The following ZNF827 variants were observed in gnomAD, a reference collection of about 807,000 sequenced individuals.
The protein encoded by ZNF827 is zinc finger protein 827.
ZNF827 carries 13 observed loss-of-function variants against 102.4 expected under a neutral mutation model. The observed-to-expected ratio is 0.13, with a 90% CI of 0.08 to 0.20. The LOEUF is 0.20. Ranked by LOEUF, ZNF827 falls within the 10% of genes least tolerant of loss-of-function variation. The pLI, the probability that ZNF827 is intolerant of heterozygous loss-of-function variation, is 1.00. For missense variants in ZNF827, 1,103 were observed against 1,344.4 expected (o/e 0.82, Z 2.81); for synonymous variants, 523 against 536.2 (o/e 0.98, Z 0.34).
chr4:145,849,721 A>T (rs1746337931), intron 5 of ZNF827, among the ~76,000 whole-genome samples, 160 bp from the exon 6 acceptor site: 1 of 152,246 alleles, frequency 6.6e-6, no homozygotes, highest in South Asian at 2.1e-4. Context: ...CCATTGGCTC[A>T]ATCATCTAAT....
chr4:145,859,647 T>C (rs1429901943), intron 5 of ZNF827, among the ~76,000 whole-genome samples: 1 of 152,240 alleles, frequency 6.6e-6, no homozygotes, highest in Non-Finnish European at 1.5e-5. Context: ...TACTTACAAG[T>C]AGTGTAAGCG....
At chr4:145,853,592 C>T (rs1477511883) in intron 5 of ZNF827, among the ~76,000 whole-genome samples, 2 of 151,608 alleles carry the variant, frequency 1.3e-5, no homozygotes, top group African/African-American at 4.8e-5. Flanking sequence ...AACAAACAAA[C>T]AAACAAACAA....
chr4:145,885,136 T>A (rs1179181718), intron 4 of ZNF827, among the ~76,000 whole-genome samples: 3 of 152,008 alleles, frequency 2.0e-5, no homozygotes, highest in Non-Finnish European at 2.9e-5. Flanking sequence ...AATAAAAAAA[T>A]TTCCCATTAA....
chr4:145,807,617 G>C (rs1189316298), intron 8 of ZNF827, among the ~76,000 whole-genome samples: 2 of 151,402 alleles, frequency 1.3e-5, no homozygotes, highest in Non-Finnish European at 2.9e-5. Context: ...GATTACAGGC[G>C]CCCACCACCA....
At chr4:145,790,970 C>T (rs1739595745) in intron 8 of ZNF827, among the ~76,000 whole-genome samples, 1 of 152,158 alleles carries the variant, frequency 6.6e-6, no homozygotes, top group African/African-American at 2.4e-5. Context: ...AGAAATCCTA[C>T]CTATTTGATT....
chr4:145,849,386 C>G lies in ZNF827; in HGVS notation c.2157G>C (p.Glu719Asp). 6.2e-7 allele frequency: 1 copy of G among 1,614,144 alleles called. No individual in the cohort carries two copies. The highest frequency in any genetic ancestry group is 8.5e-7 in the Non-Finnish European group (1 of 1,180,032). The change falls in exon 6 of 15, where the codon GAG becomes GAC. Residue 719 changes from glutamate (E) to aspartate (D), a missense_variant. Glu to Asp is a conservative substitution (Grantham distance 45). Around this residue, in one of 5 missense-constraint regions of ZNF827, gnomAD observed 243 missense variants for 251.6 expected, o/e 0.97. Coordinates refer to ENST00000508784, the MANE Select transcript of ZNF827 (RefSeq NM_001306215.2). ...QKMPEGRVPP[E>D]RNLFSQDISV... ...AGATATCCTGACTGAAGAGGTTTCT[C>G]TCTGGGGGTACTCTGCCCTCTGGCA...
At chr4:145,837,101 T>G (rs1446955806) in intron 7 of ZNF827, among the ~76,000 whole-genome samples, 1 of 152,166 alleles carries the variant, frequency 6.6e-6, no homozygotes, top group Non-Finnish European at 1.5e-5. Context: ...TTCCCTTCTG[T>G]CAGACATAAT....
chr4:145,938,323 C>A, intron 1 of ZNF827, 42 bp downstream of exon 1: 1 of 1,612,440 alleles, frequency 6.2e-7, no homozygotes, highest in East Asian at 2.2e-5. Flanking sequence ...AGAGGGAGGG[C>A]GAGAAAATGG....
At chr4:145,788,523 A>G (rs894842803) in intron 8 of ZNF827, among the ~76,000 whole-genome samples, 1 of 152,224 alleles carries the variant, frequency 6.6e-6, no homozygotes, top group African/African-American at 2.4e-5. Flanking sequence ...TGTTGCTTCT[A>G]TGTTTTCCCT....
chr4:145,910,139 C>G (rs535316519), intron 1 of ZNF827, among the ~76,000 whole-genome samples: 1 of 152,132 alleles, frequency 6.6e-6, no homozygotes, highest in African/African-American at 2.4e-5. Flanking sequence ...GTAGTCCACA[C>G]ACGGGGGGAG....
chr4:145,860,880 CTCTT>C (rs1321789369), intron 5 of ZNF827, among the ~76,000 whole-genome samples: 1 of 152,176 alleles, frequency 6.6e-6, no homozygotes, highest in Non-Finnish European at 1.5e-5. Context: ...AAAAACAATT[CTCTT>C]TGTGAAATTT....
intron 8 of ZNF827, among the ~76,000 whole-genome samples, chr4:145,805,169 G>A (rs988270759): frequency 6.7e-6 from 1 of 150,150 alleles, no homozygotes; most frequent in African/African-American, 2.5e-5. Flanking sequence ...GTGCATTTGT[G>A]TGAAGCAAAA....
intron 7 of ZNF827, chr4:145,831,918 C>CA (rs1343920426): frequency 1.3e-5 from 2 of 151,980 alleles, no homozygotes; most frequent in Non-Finnish European, 2.9e-5. Flanking sequence ...AACGACCAAA[C>CA]AAAAAATCCA....
chr4:145,898,587 G>A (rs1751159153), intron 2 of ZNF827, among the ~76,000 whole-genome samples: 1 of 152,182 alleles, frequency 6.6e-6, no homozygotes, highest in African/African-American at 2.4e-5. Flanking sequence ...TATAGCAAAC[G>A]GACATAATCT....
chr4:145,869,149 T>C (rs1341950572), intron 5 of ZNF827, among the ~76,000 whole-genome samples: 2 of 152,266 alleles, frequency 1.3e-5, no homozygotes, highest in Non-Finnish European at 2.9e-5. Context: ...TAACAAATCA[T>C]GTTACCTTGA....
chr4:145,786,649 G>A (rs1738909065), intron 8 of ZNF827, among the ~76,000 whole-genome samples: 1 of 152,184 alleles, frequency 6.6e-6, no homozygotes, highest in South Asian at 2.1e-4. Flanking sequence ...TCAGACTCCA[G>A]CCCTACTGGC....
rs1191440175 is a variant in ZNF827 at position 145,892,047 on chromosome 4, GC to G, written c.1266+195del. Among the ~76,000 whole-genome samples, 3 of 152,202 alleles carry G rather than the reference GC, an allele frequency of 2.0e-5. No homozygotes were observed. In the East Asian group the frequency reaches 5.8e-4, roughly 29 times the overall value. On this transcript the variant is annotated intron_variant, in intron 3 of 14. Transcript: ENST00000508784. Reference sequence around the variant, plus strand: ...TGGATATCGAAGGTTCTCTCTCTCTGCCTTTAAGTTCTTGGCTGCAAAGTGG... The same window carrying G: ...TGGATATCGAAGGTTCTCTCTCTCTGCTTTAAGTTCTTGGCTGCAAAGTGG...
intron 1 of ZNF827, among the ~76,000 whole-genome samples, chr4:145,932,606 C>T (rs1482289263): frequency 6.6e-6 from 1 of 152,090 alleles, no homozygotes; most frequent in Non-Finnish European, 1.5e-5. Flanking sequence ...TGCCGAGTAG[C>T]TGGGACCTCA....
rs1050770301 is a variant in ZNF827 at position 145,818,168 on chromosome 4, G to A, written c.2383+5254C>T. ...TAATACTTAAAATGCCAACAGCTGC[G>A]GTAAATGTGGGCAACACTGGGAGGT... On this transcript the variant is annotated intron_variant, in intron 8 of 14. Transcript: ENST00000508784. 5.3e-5 allele frequency among the ~76,000 whole-genome samples: 8 copies of A among 152,158 alleles called. No individual in the cohort carries two copies. The East Asian group carries it at 1.2e-3, about 22-fold the overall frequency.
Sources: gnomAD v4.1 joint callset for allele counts (sites outside exome capture counted in the v4.1 genomes callset) on GRCh38, gnomAD v4.1.1 for gene constraint, gnomAD v4.1.1 regional missense constraint, MANE v1.5 for transcripts, NCBI Gene and HGNC (gene_info 2026-07-23, HGNC 2026-07-21) for gene names.